The following GPR78 variants were observed in gnomAD, a reference collection of about 807,000 sequenced individuals.
GPR78 encodes G protein-coupled receptor 78.
Under a neutral mutation model 17.9 loss-of-function variants are expected in GPR78, and 29 were observed. The ratio of observed to expected loss-of-function variants is 1.62; its 90% CI spans 1.20 to 2.21. The LOEUF is 2.21. Ranked by LOEUF, GPR78 falls within the 30% of genes most tolerant of loss-of-function variation. The pLI is 0.00. For synonymous variants in GPR78, 349 were observed against 256.9 expected (o/e 1.36, Z -3.43); for missense variants, 649 against 530.5 (o/e 1.22, Z -2.19).
chr4:8,584,482 A>T (rs9684688), intron 2 of GPR78, among the ~76,000 whole-genome samples: 2 of 150,528 alleles, frequency 1.3e-5, no homozygotes, highest in African/African-American at 4.9e-5. Flanking sequence ...TTCTTCATGC[A>T]CTCACTAAGC....
chr4:8,581,558 G>A lies in GPR78; in HGVS notation c.576G>A (p.Ser192=). Residue 192 remains serine (S), a synonymous_variant, in exon 1 of 3, where the codon TCG becomes TCA. Transcript: ENST00000382487. The part of the protein sequence containing the change: ...VLPLAVLCLT[S]LQVHRVARRH... ...CGCTGGCGGTGCTCTGCCTCACCTC[G>A]CTCCAGGTGCACCGGGTGGCACGCA... 1.3e-6 allele frequency: 2 copies of A among 1,582,186 alleles called. No homozygotes were observed. The highest frequency in any genetic ancestry group is 8.5e-7 in the Non-Finnish European group (1 of 1,172,052).
In GPR78 at chr4:8,588,747, C is replaced by T. The variant is rs1713618593; in HGVS notation, c.*1384C>T. ...AGTATGGACATCAAATTCTTTCCTT[C>T]CAGAGGCTGAATTCTTCAAAGACAC... On this transcript the variant is annotated 3_prime_UTR_variant, in exon 3 of 3. Coordinates refer to ENST00000382487, the MANE Select transcript of GPR78 (RefSeq NM_080819.5). Among the ~76,000 whole-genome samples the T allele has an allele frequency of 6.6e-6, 1 of 152,242 alleles. No homozygotes were observed. The highest frequency in any genetic ancestry group is 6.5e-5 in the Admixed American group (1 of 15,286).
At position 8,582,642 on chromosome 4, in the gene GPR78, C is replaced by A. The variant is rs1283063474; in HGVS notation, c.780C>A (p.Thr260=). The A allele has an allele frequency of 1.2e-6, 2 of 1,600,740 alleles. No homozygotes were observed. The highest frequency in any genetic ancestry group is 2.2e-5 in the South Asian group (2 of 90,848). The part of the protein sequence containing the change: ...FLICFAPYVM[T]RLAELVPFVT... ...TCTGCTTTGCCCCGTATGTCATGAC[C>A]AGGTGGGTCCTGGCAGTCCGGCTCC... The change falls in exon 2 of 3, where the codon ACC becomes ACA. Residue 260 remains threonine (T), a splice_region_variant and synonymous_variant. Coordinates refer to ENST00000382487, the MANE Select transcript of GPR78 (RefSeq NM_080819.5).
rs376391641 is a variant in GPR78 at position 8,582,664 on chromosome 4, C to T, written c.782+20C>T. On this transcript the variant is annotated intron_variant, in intron 2 of 2. Coordinates refer to ENST00000382487, the MANE Select transcript of GPR78 (RefSeq NM_080819.5). ...GACCAGGTGGGTCCTGGCAGTCCGG[C>T]TCCTGTTGTGGGAACAGCTGGGTGG... The T allele has an allele frequency of 5.9e-6, 9 of 1,517,856 alleles. No individual in the cohort carries two copies. The African/African-American group carries it at 1.1e-4, about 18-fold the overall frequency. The allele number at this position is 1,517,856 out of a possible 1,614,324, so 94.0% of individuals were successfully genotyped here. A position where few individuals can be genotyped will look rare whatever the true frequency, so the allele number is the denominator to read the frequency against.
In GPR78 at chr4:8,587,337, G is replaced by T. The variant is rs747061479; in HGVS notation, c.1066G>T (p.Asp356Tyr). Residue 356 changes from aspartate (D) to tyrosine (Y), a missense_variant, in exon 3 of 3, where the codon GAT becomes TAT. Physicochemically the swap from Asp to Tyr is radical, Grantham distance 160. Transcript: ENST00000382487. The part of the protein sequence containing the change: ...THNGSVDTEN[D>Y]SCLQQTH ...CAACGGCTCTGTGGACACAGAGAATGATTCCTGCCTGCAGCAGACACACTG... is the reference window on the plus strand; with the variant it reads ...CAACGGCTCTGTGGACACAGAGAATTATTCCTGCCTGCAGCAGACACACTG... 2.5e-6 allele frequency: 4 copies of T among 1,612,990 alleles called. No individual in the cohort carries two copies. Among genetic ancestry groups the T allele is most frequent in the Non-Finnish European group, 3.4e-6 (4 of 1,179,916 alleles).
rs1243973218 is a variant in GPR78, at chr4:8,581,263, C to A, written c.281C>A (p.Ala94Glu). The change falls in exon 1 of 3, where the codon GCG (alanine) becomes GAG (glutamate). Residue 94 changes from alanine to glutamate, a missense_variant. Ala to Glu is a moderately radical substitution (Grantham distance 107). Coordinates refer to ENST00000382487, the MANE Select transcript of GPR78 (RefSeq NM_080819.5). ...GACACCTTCCTGGCGTCCAACGCGG[C>A]GCTGAGCGTGGCGGCGCTGAGCGCA... ...FLDTFLASNAALSVAALSADQ... is the reference protein window; with the variant it reads ...FLDTFLASNAELSVAALSADQ... 3 of 1,591,192 alleles carry A rather than the reference C, an allele frequency of 1.9e-6. No homozygotes were observed. The highest frequency in any genetic ancestry group is 1.1e-5 in the South Asian group (1 of 89,356).
In GPR78 at chr4:8,581,034, G is replaced by T. The variant is rs140396267; in HGVS notation, c.52G>T (p.Val18Leu). ...LAGLLVMVLAVALLSNALVLL... is the reference protein window; with the variant it reads ...LAGLLVMVLALALLSNALVLL... ...GGGTCTCCTGGTGATGGTACTGGCC[G>T]TGGCGCTGCTATCCAACGCACTGGT... is the stretch of plus-strand genomic sequence containing the variant. Residue 18 changes from valine (V) to leucine (L), a missense_variant, in exon 1 of 3, where the codon GTG becomes TTG. Coordinates refer to ENST00000382487, the MANE Select transcript of GPR78 (RefSeq NM_080819.5). 7 of 1,602,216 alleles carry T rather than the reference G, an allele frequency of 4.4e-6. No individual in the cohort carries two copies. The South Asian group carries it at 7.8e-5, about 18-fold the overall frequency.
Position 8,582,630 on chromosome 4 carries a change from G to A in GPR78, c.768G>A (p.Pro256=), listed in dbSNP as rs138639661. The change falls in exon 2 of 3, where the codon CCG becomes CCA. Residue 256 remains proline (P), a synonymous_variant. Transcript: ENST00000382487. The part of the protein sequence containing the change: ...AIATFLICFA[P]YVMTRLAELV... The stretch of plus-strand genomic sequence containing the variant: ...CGACCTTCCTCATCTGCTTTGCCCC[G>A]TATGTCATGACCAGGTGGGTCCTGG... 848 of 1,610,376 alleles carry A rather than the reference G, an allele frequency of 5.3e-4. 2 individuals carry two copies. The African/African-American group carries it at 5.7e-3, about 11-fold the overall frequency.
rs1277130179 is a variant in GPR78, at chr4:8,582,563, G to A, written c.701G>A (p.Arg234Gln). 26 of 1,611,292 alleles carry A rather than the reference G, an allele frequency of 1.6e-5. No homozygotes were observed. The highest frequency in any genetic ancestry group is 1.7e-5 in the Admixed American group (1 of 59,988). ...VRQRCLIQQK[R>Q]RRHRATRKIG... is the part of the protein sequence containing the mutation. ...CAGCGCTGCCTCATCCAGCAGAAGCGGCGCCGCCACCGCGCCACCAGGAAG... is the reference window on the plus strand; with the variant it reads ...CAGCGCTGCCTCATCCAGCAGAAGCAGCGCCGCCACCGCGCCACCAGGAAG... The change falls in exon 2 of 3, where the codon CGG (arginine) becomes CAG (glutamine). Residue 234 changes from arginine (R) to glutamine (Q), a missense_variant. Arg to Gln is a conservative substitution (Grantham distance 43). Transcript: ENST00000382487.
At chr4:8,586,394 C>T (rs902967603) in intron 2 of GPR78, among the ~76,000 whole-genome samples, 4 of 152,176 alleles carry the variant, frequency 2.6e-5, no homozygotes, top group African/African-American at 7.2e-5. Flanking sequence ...CCTCGAGCTT[C>T]TCTGAGTGAT....
intron 2 of GPR78, among the ~76,000 whole-genome samples, chr4:8,585,342 A>G (rs1208461294): frequency 6.6e-6 from 1 of 152,088 alleles, no homozygotes; most frequent in Non-Finnish European, 1.5e-5. Flanking sequence ...GATGACTTCC[A>G]CCTGCACCGT....
In GPR78 at chr4:8,587,248, C is replaced by A. The variant is rs761289064; in HGVS notation, c.977C>A (p.Ser326Tyr). The A allele has an allele frequency of 1.6e-5, 25 of 1,606,330 alleles. No individual in the cohort carries two copies. In the East Asian group the frequency reaches 5.6e-4, roughly 36 times the overall value. ...CGCCCAGCATCCACCCATGACAGCT[C>A]TCTGGATGTGGCCGGCATGGTGCAC... ...TPRPASTHDS[S>Y]LDVAGMVHQL... is the part of the protein sequence containing the mutation. The change falls in exon 3 of 3, where the codon TCT (serine) becomes TAT (tyrosine). Residue 326 changes from serine (S) to tyrosine (Y), a missense_variant. Coordinates refer to ENST00000382487, the MANE Select transcript of GPR78 (RefSeq NM_080819.5).
chr4:8,586,275 C>G (rs916484457), intron 2 of GPR78, among the ~76,000 whole-genome samples: 6 of 152,210 alleles, frequency 3.9e-5, no homozygotes, highest in Non-Finnish European at 7.3e-5. Flanking sequence ...AGCCCAGTCC[C>G]TTCTACTCTG....
chr4:8,588,692 C>T lies in GPR78; in HGVS notation c.*1329C>T, dbSNP rs1713615329. Among the ~76,000 whole-genome samples, 1 of 152,208 alleles carries T rather than the reference C, an allele frequency of 6.6e-6. No individual in the cohort carries two copies. Among genetic ancestry groups the T allele is most frequent in the African/African-American group, 2.4e-5 (1 of 41,450 alleles). ...CAGGCATGGAGCCTGTATCATGACA[C>T]CTTACACCCAAGGCCAGCAATGCAA... On this transcript the variant is annotated 3_prime_UTR_variant, in exon 3 of 3. Coordinates refer to ENST00000382487, the MANE Select transcript of GPR78 (RefSeq NM_080819.5).
chr4:8,581,398 GCGC>G lies in GPR78; in HGVS notation c.417_419del (p.Ala141del). 1 of 1,587,118 alleles carries G rather than the reference GCGC, an allele frequency of 6.3e-7. No individual in the cohort carries two copies. Among genetic ancestry groups the G allele is most frequent in the Non-Finnish European group, 8.5e-7 (1 of 1,172,504 alleles). Reference sequence around the variant, plus strand: ...TGGGGACAGTCGCTGGCCTTCTCAGGCGCTGCACTTGGCTGCTCGTGGCTTGGC... The same window carrying G: ...TGGGGACAGTCGCTGGCCTTCTCAGGTGCACTTGGCTGCTCGTGGCTTGGC... On this transcript the variant is annotated inframe_deletion, in exon 1 of 3. Transcript: ENST00000382487.
chr4:8,581,691 T>C (rs751333749), intron 1 of GPR78, 41 bp downstream of exon 1: 38 of 1,392,392 alleles, frequency 2.7e-5, no homozygotes, highest in Non-Finnish European at 3.2e-5. Context: ...GGCCAGGGAC[T>C]TGGGCGCTCC....
chr4:8,587,011 TG>T, intron 2 of GPR78, 42 bp from the exon 3 acceptor site: 2 of 1,552,178 alleles, frequency 1.3e-6, no homozygotes, highest in Non-Finnish European at 1.8e-6. Context: ...GCGTGGCAGG[TG>T]CTGTCACTGT....
chr4:8,584,351 T>C (rs956364084), intron 2 of GPR78, among the ~76,000 whole-genome samples: 1 of 152,240 alleles, frequency 6.6e-6, no homozygotes, highest in Non-Finnish European at 1.5e-5. Context: ...AACAAAGTCA[T>C]GAAGCCTGCC....
At position 8,587,148 on chromosome 4, in the gene GPR78, A is replaced by C; in HGVS notation, c.877A>C (p.Thr293Pro). 6.2e-7 allele frequency: 1 copy of C among 1,613,364 alleles called. No homozygotes were observed. Among genetic ancestry groups the C allele is most frequent in the Non-Finnish European group, 8.5e-7 (1 of 1,180,014 alleles). Residue 293 changes from threonine to proline, a missense_variant, in exon 3 of 3, where the codon ACG (threonine) becomes CCG (proline). By Grantham distance (38) the Thr-to-Pro change is conservative. Transcript: ENST00000382487. The part of the protein sequence containing the change: ...TYSKAVADPF[T>P]YSLLRRPFRQ... ...CAGCAAGGCGGTGGCCGACCCGTTC[A>C]CGTACTCTCTGCTCCGCCGGCCGTT...
Sources: allele counts gnomAD v4.1 joint callset (sites outside exome capture counted in the v4.1 genomes callset), GRCh38; gene constraint gnomAD v4.1.1; transcripts MANE v1.5; gene names NCBI Gene and HGNC (gene_info 2026-07-23, HGNC 2026-07-21).